VPS8: variants seen among roughly 807,000 people sequenced by gnomAD.
The protein encoded by VPS8 is vacuolar protein sorting-associated protein 8 homolog.
In VPS8, 129 loss-of-function variants were observed where a neutral mutation model predicts 216.4. The observed-to-expected ratio is 0.60, with a 90% CI of 0.52 to 0.69. VPS8 has a LOEUF of 0.69. Ranked by LOEUF, VPS8 falls within the 30% of genes least tolerant of loss-of-function variation. VPS8 has a pLI of 0.00. For missense variants in VPS8, 1,531 were observed against 1,683.5 expected (o/e 0.91, Z 1.59); for synonymous variants, 571 against 565.4 (o/e 1.01, Z -0.14).
chr3:184,957,984 A>G (rs1421472721), intron 37 of VPS8, among the ~76,000 whole-genome samples: 1 of 152,226 alleles, frequency 6.6e-6, no homozygotes, highest in Non-Finnish European at 1.5e-5. Flanking sequence ...TATCAGGCAG[A>G]TAGAGGCGGG....
At chr3:184,856,820 G>A (rs541998160) in intron 14 of VPS8, among the ~76,000 whole-genome samples, 74 of 152,118 alleles carry the variant, frequency 4.9e-4, no homozygotes, top group Non-Finnish European at 9.3e-4. Flanking sequence ...TGATTAACAT[G>A]ACCTTCCCTG....
chr3:185,013,520 G>A (rs1341134271), intron 45 of VPS8, among the ~76,000 whole-genome samples: 2 of 152,206 alleles, frequency 1.3e-5, no homozygotes, highest in Admixed American at 6.5e-5. Flanking sequence ...CTGGCATTAA[G>A]GTCAGGTGTG....
intron 25 of VPS8, among the ~76,000 whole-genome samples, chr3:184,905,443 T>C (rs1229159248): frequency 6.6e-6 from 1 of 152,200 alleles, no homozygotes; most frequent in African/African-American, 2.4e-5. Flanking sequence ...TAGTGATGTC[T>C]CTTTCATTAC....
At chr3:184,834,279 G>A (rs1278992503) in intron 4 of VPS8, among the ~76,000 whole-genome samples, 2 of 152,276 alleles carry the variant, frequency 1.3e-5, no homozygotes, top group Non-Finnish European at 1.5e-5. Context: ...CGTGAGAAAG[G>A]AATGGTGATT....
chr3:184,936,712 C>T (rs1273452893), intron 35 of VPS8, among the ~76,000 whole-genome samples: 1 of 151,242 alleles, frequency 6.6e-6, no homozygotes, highest in Non-Finnish European at 1.5e-5. Context: ...CTCCCATTTT[C>T]TTTTGCTGTA....
intron 45 of VPS8, among the ~76,000 whole-genome samples, chr3:185,022,660 A>G (rs915422635): frequency 6.6e-6 from 1 of 152,138 alleles, no homozygotes; most frequent in African/African-American, 2.4e-5. Context: ...ATCCTCTTTC[A>G]TTGCTGATAC....
intron 25 of VPS8, among the ~76,000 whole-genome samples, chr3:184,903,269 G>C (rs1191876117): frequency 3.3e-5 from 5 of 151,942 alleles, no homozygotes; most frequent in African/African-American, 1.2e-4. Flanking sequence ...ATCTAGTACA[G>C]ATTCTTTGCC....
intron 36 of VPS8, among the ~76,000 whole-genome samples, chr3:184,943,121 A>T (rs1354144713): frequency 6.6e-6 from 1 of 152,326 alleles, no homozygotes. Context: ...ACACTCAGAT[A>T]TAGAGTGTTC....
At chr3:184,985,321 T>C (rs2109783420) in intron 42 of VPS8, among the ~76,000 whole-genome samples, 1 of 152,308 alleles carries the variant, frequency 6.6e-6, no homozygotes, top group Non-Finnish European at 1.5e-5. Context: ...CTAATTCACG[T>C]TCTTTTTTAT....
chr3:184,979,469 A>G (rs556534613), intron 40 of VPS8, among the ~76,000 whole-genome samples: 1 of 152,288 alleles, frequency 6.6e-6, no homozygotes, highest in Non-Finnish European at 1.5e-5. Context: ...CTTGTATTAT[A>G]TATCTGGTGC....
chr3:185,009,637 A>G (rs1754728319), intron 45 of VPS8, among the ~76,000 whole-genome samples: 1 of 152,158 alleles, frequency 6.6e-6, no homozygotes, highest in African/African-American at 2.4e-5. Context: ...GGCAAAATAT[A>G]TAAAATAATG....
intron 37 of VPS8, among the ~76,000 whole-genome samples, chr3:184,958,822 G>GT (rs915036482): frequency 1.4e-4 from 21 of 151,192 alleles, no homozygotes; most frequent in South Asian, 2.1e-4. Flanking sequence ...GTTTACTGTA[G>GT]TTTTTTTTTC....
intron 7 of VPS8, 69 bp from the exon 8 acceptor site, chr3:184,843,171 C>A: frequency 8.0e-7 from 1 of 1,248,596 alleles, no homozygotes; most frequent in Non-Finnish European, 1.1e-6. Context: ...CCTGCCTTTT[C>A]TTCGAACTTT....
intron 20 of VPS8, among the ~76,000 whole-genome samples, chr3:184,870,067 G>A (rs1355650460): frequency 3.3e-5 from 5 of 152,152 alleles, no homozygotes; most frequent in Non-Finnish European, 7.4e-5. Context: ...TCTGAACCAA[G>A]TAATAGCCCA....
intron 45 of VPS8, among the ~76,000 whole-genome samples, chr3:185,021,288 G>T (rs1756622797): frequency 6.6e-6 from 1 of 152,124 alleles, no homozygotes; most frequent in Admixed American, 6.6e-5. Context: ...ATTGCCTGGG[G>T]CATTTCCAGA....
rs1739308020 is a variant in VPS8 at position 184,924,949 on chromosome 3, A to C, written c.2542A>C (p.Thr848Pro). 1.2e-6 allele frequency: 2 copies of C among 1,613,626 alleles called. No homozygotes were observed. Among genetic ancestry groups the C allele is most frequent in the African/African-American group, 1.3e-5 (1 of 74,888 alleles). Reference sequence around the variant, plus strand: ...TCGGCAGCTTGCAAAGCCTGACAACACCTTGTTTGTAAACAGAACACTTTT... The same window carrying C: ...TCGGCAGCTTGCAAAGCCTGACAACCCCTTGTTTGTAAACAGAACACTTTT... ...LARQLAKPDN[T>P]LFVNRTLFDQ... The change falls in exon 30 of 48, where the codon ACC (threonine) becomes CCC (proline). Residue 848 changes from threonine to proline, a missense_variant. By Grantham distance (38) the Thr-to-Pro change is conservative (BLOSUM62 -1). Coordinates refer to ENST00000625842, the MANE Select transcript of VPS8 (RefSeq NM_001009921.3).
At chr3:184,911,156 T>G (rs1736453430) in intron 25 of VPS8, among the ~76,000 whole-genome samples, 1 of 152,230 alleles carries the variant, frequency 6.6e-6, no homozygotes, top group Non-Finnish European at 1.5e-5. Flanking sequence ...AGAAAGGTTG[T>G]AGAAAATTAA....
chr3:184,834,808 A>G (rs908876312), intron 5 of VPS8, 66 bp downstream of exon 5: 24 of 1,244,136 alleles, frequency 1.9e-5, no homozygotes, highest in Non-Finnish European at 2.5e-5. Context: ...AGGAATGAGC[A>G]TAGAACAAAA....
rs539340076 is a variant in VPS8 at position 184,954,592 on chromosome 3, G to A, written c.3036-2782G>A. 7.9e-4 allele frequency among the ~76,000 whole-genome samples: 121 copies of A among 152,284 alleles called. No individual in the cohort carries two copies. The South Asian group carries it at 0.01, about 13-fold the overall frequency. The stretch of plus-strand genomic sequence containing the variant: ...TATCACAATATTATATTCCCACATA[G>A]AGAACTGCCGTGTCCCTAGATTTAT... On this transcript the variant is annotated intron_variant, in intron 36 of 47. Coordinates refer to ENST00000625842, the MANE Select transcript of VPS8 (RefSeq NM_001009921.3).
Sources: allele counts gnomAD v4.1 joint callset (sites outside exome capture counted in the v4.1 genomes callset), GRCh38; gene constraint gnomAD v4.1.1; transcripts MANE v1.5; gene names NCBI Gene and HGNC (gene_info 2026-07-23, HGNC 2026-07-21).